CCDC174: variants seen among roughly 807,000 people sequenced by gnomAD.
CCDC174 encodes the protein coiled-coil domain containing 174.
Under a neutral mutation model 57.1 loss-of-function variants are expected in CCDC174, and 37 were observed. That is an observed-to-expected ratio of 0.65 (90% CI 0.50 to 0.85). CCDC174 has a LOEUF of 0.85. Ranked by LOEUF, CCDC174 falls within the 40% of genes least tolerant of loss-of-function variation. The probability of loss-of-function intolerance (pLI) is 0.00; values close to 1 mark genes in which losing one functional copy is unlikely to be tolerated. For synonymous variants in CCDC174, 182 were observed against 190.2 expected, an observed-to-expected ratio of 0.96 and a Z score of 0.35; for missense variants, 540 against 574.3, an observed-to-expected ratio of 0.94 and a Z score of 0.61.
chr3:14,671,125 A>C lies in CCDC174; in HGVS notation c.1335A>C (p.Pro445=), dbSNP rs2031496779. Residue 445 remains proline (P), a synonymous_variant, in exon 11 of 11, where the codon CCA becomes CCC. Coordinates refer to ENST00000383794, the MANE Select transcript of CCDC174 (RefSeq NM_016474.5). ...HTSPTPAPDN[P]PQAPTVTFKT... ...CACCCACTCCTGCCCCCGACAACCC[A>C]CCACAAGCCCCCACAGTTACTTTCA... The C allele has an allele frequency of 4.3e-6, 7 of 1,613,902 alleles. No individual in the cohort carries two copies. The highest frequency in any genetic ancestry group is 5.9e-6 in the Non-Finnish European group (7 of 1,179,984).
intron 9 of CCDC174, among the ~76,000 whole-genome samples, chr3:14,669,425 C>T (rs781073486): frequency 1.2e-4 from 18 of 152,226 alleles, no homozygotes; most frequent in Non-Finnish European, 2.4e-4. Flanking sequence ...TGAAGCGCCA[C>T]CACAGTGTTT....
chr3:14,653,462 AG>A (rs1001666385), intron 1 of CCDC174, among the ~76,000 whole-genome samples: 1 of 152,222 alleles, frequency 6.6e-6, no homozygotes, highest in Non-Finnish European at 1.5e-5. Flanking sequence ...AATTGAACCC[AG>A]CCATTTTTAT....
intron 5 of CCDC174, among the ~76,000 whole-genome samples, chr3:14,662,707 G>C (rs1328328968): frequency 6.6e-6 from 1 of 152,152 alleles, no homozygotes; most frequent in Middle Eastern, 3.2e-3. Flanking sequence ...CCTTGTGGTG[G>C]GCATTTGTTA....
intron 8 of CCDC174, 60 bp downstream of exon 8, chr3:14,667,578 C>A (rs2031384038): frequency 4.8e-6 from 6 of 1,253,726 alleles, no homozygotes; most frequent in Non-Finnish European, 5.8e-6. Context: ...TCTTGCTGGA[C>A]CATACTGCAG....
rs2031506927 is a variant in CCDC174, at chr3:14,671,395, G to A, written c.*201G>A. ...TGTTCATTTTATTCTAAGTGGGATA[G>A]GGACATACCTACCTGGATTTACATG... On this transcript the variant is annotated 3_prime_UTR_variant, in exon 11 of 11. Coordinates refer to ENST00000383794, the MANE Select transcript of CCDC174 (RefSeq NM_016474.5). 1 of 564,748 alleles carries A rather than the reference G, an allele frequency of 1.8e-6. No homozygotes were observed. Among genetic ancestry groups the A allele is most frequent in the South Asian group, 2.4e-5 (1 of 41,416 alleles). The allele number at this position is 564,748 out of a possible 1,614,324, so 35.0% of individuals were successfully genotyped here. A position where few individuals can be genotyped will look rare whatever the true frequency, so the allele number is the denominator to read the frequency against.
In CCDC174 at chr3:14,670,935, T is replaced by G. The variant is rs766459634; in HGVS notation, c.1145T>G (p.Leu382Arg). 1 of 1,613,694 alleles carries G rather than the reference T, an allele frequency of 6.2e-7. No individual in the cohort carries two copies. Among genetic ancestry groups the G allele is most frequent in the Non-Finnish European group, 8.5e-7 (1 of 1,179,574 alleles). The change falls in exon 11 of 11, where the codon CTC (leucine) becomes CGC (arginine). Residue 382 changes from leucine (L) to arginine (R), a missense_variant. Transcript: ENST00000383794. ...FGYWSKRQSD[L>R]RAERDPEFAP... is the part of the protein sequence containing the mutation. ...TACTGGTCGAAGAGGCAGTCAGATC[T>G]CCGGGCTGAGAGAGATCCTGAGTTT...
In CCDC174 at chr3:14,658,838, C is replaced by A. The variant is rs916905971; in HGVS notation, c.249-33C>A. Reference sequence around the variant, plus strand: ...GCAACCAGGATGAACAGTTATAAGACCATTTCTAATACTTGTATTTTTTTT... The same window carrying A: ...GCAACCAGGATGAACAGTTATAAGAACATTTCTAATACTTGTATTTTTTTT... On this transcript the variant is annotated intron_variant, in intron 3 of 10. Coordinates refer to ENST00000383794, the MANE Select transcript of CCDC174 (RefSeq NM_016474.5). 5.9e-6 allele frequency: 9 copies of A among 1,535,554 alleles called. No homozygotes were observed. In the African/African-American group the frequency reaches 9.6e-5, roughly 16 times the overall value.
chr3:14,669,929 A>C lies in CCDC174; in HGVS notation c.953-5A>C. The stretch of plus-strand genomic sequence containing the variant: ...AACAGTGTCTTATTCTTTTACAAAA[A>C]ATAGATGGAGATGTTATTGGGCCTT... On this transcript the variant is annotated splice_polypyrimidine_tract_variant and splice_region_variant and intron_variant, in intron 9 of 10. Transcript: ENST00000383794. 1 of 1,613,746 alleles carries C rather than the reference A, an allele frequency of 6.2e-7. No homozygotes were observed. Among genetic ancestry groups the C allele is most frequent in the South Asian group, 1.1e-5 (1 of 91,020 alleles).
rs1553606987 is a variant in CCDC174 at position 14,665,263 on chromosome 3, A to ATTGATTGG, written c.581+140_581+141insTTGATTGG. ...TATTGATTGATTGATTGATTGATTGAAGCACTTTTTAGTGGTTAGCATGCA... is the reference window on the plus strand; with the variant it reads ...TATTGATTGATTGATTGATTGATTGATTGATTGGAGCACTTTTTAGTGGTTAGCATGCA... On this transcript the variant is annotated intron_variant, in intron 6 of 10. Transcript: ENST00000383794. 8.6e-4 allele frequency: 568 copies of ATTGATTGG among 658,718 alleles called. 16 individuals carry two copies. The highest frequency in any genetic ancestry group is 3.5e-3 in the South Asian group (191 of 55,342). The allele number at this position is 658,718 out of a possible 1,614,324, so 40.8% of individuals were successfully genotyped here.
chr3:14,671,021 T>C lies in CCDC174; in HGVS notation c.1231T>C (p.Trp411Arg). ...AACTGGTTTTTCCAGCAGCCAGGCA[T>C]GGAGCAGACCTGGGCCAGCACAGAG... Reference protein sequence around the residue: ...KRTGFSSSQAWSRPGPAQSDP... With the variant: ...KRTGFSSSQARSRPGPAQSDP... Residue 411 changes from tryptophan to arginine, a missense_variant, in exon 11 of 11, where the codon TGG (tryptophan) becomes CGG (arginine). By Grantham distance (101) the Trp-to-Arg change is moderately radical. Transcript: ENST00000383794. The C allele has an allele frequency of 6.2e-7, 1 of 1,614,202 alleles. No homozygotes were observed. Among genetic ancestry groups the C allele is most frequent in the South Asian group, 1.1e-5 (1 of 91,078 alleles).
chr3:14,658,365 G>T (rs942492558), intron 3 of CCDC174, among the ~76,000 whole-genome samples: 9 of 152,222 alleles, frequency 5.9e-5, no homozygotes, highest in African/African-American at 2.2e-4. Context: ...ATCCACAAGA[G>T]AACTCTTTGG....
At position 14,667,345 on chromosome 3, in the gene CCDC174, C is replaced by T; in HGVS notation, c.725-79C>T. The T allele has an allele frequency of 2.9e-6, 3 of 1,051,550 alleles. No homozygotes were observed. In the Admixed American group the frequency reaches 5.9e-5, roughly 21 times the overall value. The allele number at this position is 1,051,550 out of a possible 1,614,324, so 65.1% of individuals were successfully genotyped here. A position where few individuals can be genotyped will look rare whatever the true frequency, so the allele number is the denominator to read the frequency against. The stretch of plus-strand genomic sequence containing the variant: ...CCAAATATCACTGTGTTTCTTTTTG[C>T]TTTGGTAGGAAATGTGGCTTGAGTG... On this transcript the variant is annotated intron_variant, in intron 7 of 10. Transcript: ENST00000383794.
At chr3:14,667,545 A>T in intron 8 of CCDC174, 27 bp downstream of exon 8, 1 of 1,558,900 alleles carries the variant, frequency 6.4e-7, no homozygotes, top group Non-Finnish European at 8.8e-7. Flanking sequence ...AGTGACTGTG[A>T]GGAAAGATGT....
chr3:14,657,991 C>T (rs1327066709), intron 3 of CCDC174, among the ~76,000 whole-genome samples: 2 of 152,224 alleles, frequency 1.3e-5, no homozygotes, highest in East Asian at 3.9e-4. Flanking sequence ...CAGCTAGTTA[C>T]AGTAAGAGCC....
intron 7 of CCDC174, 92 bp downstream of exon 7, chr3:14,667,039 TTAC>T: frequency 5.4e-6 from 6 of 1,112,156 alleles, no homozygotes; most frequent in Non-Finnish European, 7.7e-6. Flanking sequence ...GCAATAGCTT[TTAC>T]ATGGAAATTA....
intron 4 of CCDC174, among the ~76,000 whole-genome samples, chr3:14,660,822 C>T (rs1354409009): frequency 6.6e-6 from 1 of 152,246 alleles, no homozygotes; most frequent in Non-Finnish European, 1.5e-5. Context: ...CTAAATCCAG[C>T]ATAGTGAAAC....
Position 14,660,521 on chromosome 3 carries a change from GTTTAT to G in CCDC174, c.308-1002_308-998del, listed in dbSNP as rs1333299067. Among the ~76,000 whole-genome samples, 5 of 148,996 alleles carry G rather than the reference GTTTAT, an allele frequency of 3.4e-5. No homozygotes were observed. In the South Asian group the frequency reaches 1.1e-3, roughly 33 times the overall value. ...TCAGATTCAGAAAAAGAAAAAAAAAGTTTATTTTATTAAAGTCTTTTCTGTTTTGA... is the reference window on the plus strand; with the variant it reads ...TCAGATTCAGAAAAAGAAAAAAAAAGTTTATTAAAGTCTTTTCTGTTTTGA... On this transcript the variant is annotated intron_variant, in intron 4 of 10. Transcript: ENST00000383794.
intron 10 of CCDC174, among the ~76,000 whole-genome samples, chr3:14,670,293 C>A (rs1192871988): frequency 6.6e-6 from 1 of 152,168 alleles, no homozygotes; most frequent in African/African-American, 2.4e-5. Flanking sequence ...CTTTTATGTT[C>A]AGTTGAAAAT....
Position 14,669,880 on chromosome 3 carries a change from A to T in CCDC174, c.953-54A>T, listed in dbSNP as rs916213673. 1.1e-4 allele frequency: 167 copies of T among 1,571,326 alleles called. 1 individual carries two copies. The highest frequency in any genetic ancestry group is 1.3e-4 in the Non-Finnish European group (149 of 1,146,744). On this transcript the variant is annotated intron_variant, in intron 9 of 10. Transcript: ENST00000383794. ...CAGGATTAGCATGTTCTGTATTTTTAAAAATAGCTTTAGGCTTTTTTATAA... is the reference window on the plus strand; with the variant it reads ...CAGGATTAGCATGTTCTGTATTTTTTAAAATAGCTTTAGGCTTTTTTATAA...
Sources: gnomAD v4.1 joint callset for allele counts (sites outside exome capture counted in the v4.1 genomes callset) on GRCh38, gnomAD v4.1.1 for gene constraint, MANE v1.5 for transcripts, NCBI Gene and HGNC (gene_info 2026-07-23, HGNC 2026-07-21) for gene names.